RASGEF1B: variants seen among roughly 807,000 people sequenced by gnomAD.
RASGEF1B encodes RasGEF domain family member 1B, also known as ras-GEF domain-containing family member 1B.
Under a neutral mutation model 65.7 loss-of-function variants are expected in RASGEF1B, and 30 were observed. That is an observed-to-expected ratio of 0.46 (90% confidence interval 0.34 to 0.62). RASGEF1B has a LOEUF of 0.62. Among genes scored for constraint, RASGEF1B ranks in the 20% least tolerant of loss-of-function variants. The probability of loss-of-function intolerance (pLI) is 0.01; values close to 1 mark genes in which losing one functional copy is unlikely to be tolerated. For synonymous variants in RASGEF1B, 175 were observed against 194.8 expected (o/e 0.90, Z 0.85); for missense variants, 495 against 580.1 (o/e 0.85, Z 1.51).
rs979151950 is a variant in RASGEF1B, at chr4:81,432,438, C to A, written c.1325-67G>T. The stretch of plus-strand genomic sequence containing the variant: ...CTCCTGATATATTATCTACCACCAC[C>A]CTTGTTCGACTTGAGCCAAACTCCA... On this transcript the variant is annotated intron_variant, in intron 12 of 13. Coordinates refer to ENST00000264400, the MANE Select transcript of RASGEF1B (RefSeq NM_152545.3). The A allele has an allele frequency of 7.1e-6, 7 of 990,576 alleles. No individual in the cohort carries two copies. The African/African-American group carries it at 1.1e-4, about 16-fold the overall frequency. The allele number at this position is 990,576 out of a possible 1,614,324, so 61.4% of individuals were successfully genotyped here. A position where few individuals can be genotyped will look rare whatever the true frequency, so the allele number is the denominator to read the frequency against.
intron 4 of RASGEF1B, chr4:81,450,963 T>TA (rs1463700619): frequency 1.3e-5 from 2 of 152,240 alleles, no homozygotes; most frequent in Non-Finnish European, 2.9e-5. Context: ...GAGAGTTAGA[T>TA]ACTACTTCTA....
intron 1 of RASGEF1B, among the ~76,000 whole-genome samples, chr4:81,459,836 C>A (rs1283249817): frequency 6.6e-6 from 1 of 152,170 alleles, no homozygotes; most frequent in Non-Finnish European, 1.5e-5. Context: ...GTGAAAGGGG[C>A]AAGGGAACTG....
In RASGEF1B at chr4:81,442,292, C is replaced by T. The variant is rs1300782609; in HGVS notation, c.1008+5G>A. 2.5e-6 allele frequency: 4 copies of T among 1,601,000 alleles called. No individual in the cohort carries two copies. Among genetic ancestry groups the T allele is most frequent in the Middle Eastern group, 1.7e-4 (1 of 6,034 alleles). ...ACTTAACAGCAAAACATCAGCTTCACATACCTCAAGAATGTCAAATTTTGC... is the reference window on the plus strand; with the variant it reads ...ACTTAACAGCAAAACATCAGCTTCATATACCTCAAGAATGTCAAATTTTGC... On this transcript the variant is annotated splice_donor_5th_base_variant and intron_variant, in intron 9 of 13. Coordinates refer to ENST00000264400, the MANE Select transcript of RASGEF1B (RefSeq NM_152545.3).
At chr4:81,465,934 AT>A (rs1030677209) in intron 1 of RASGEF1B, among the ~76,000 whole-genome samples, 8 of 152,244 alleles carry the variant, frequency 5.3e-5, no homozygotes, top group African/African-American at 1.9e-4. Flanking sequence ...AAAAAGGTTT[AT>A]TTTTTTCAAT....
At chr4:81,459,188 C>A (rs1235601319) in intron 2 of RASGEF1B, 144 bp downstream of exon 2, 7 of 653,932 alleles carry the variant, frequency 1.1e-5, no homozygotes, top group Non-Finnish European at 1.8e-5. Context: ...GATTTCAATG[C>A]ACTTGATAAT....
At chr4:81,466,758 C>CAAA (rs748152922) in intron 1 of RASGEF1B, among the ~76,000 whole-genome samples, 1,238 of 57,542 alleles carry the variant, frequency 0.022, 75 homozygotes, top group African/African-American at 0.043. Context: ...GCCTCCATGT[C>CAAA]AAAAAAAAAA....
In RASGEF1B at chr4:81,456,671, G is replaced by A. The variant is rs1319168909; in HGVS notation, c.418C>T (p.Arg140Ter). 3 of 1,614,000 alleles carry A rather than the reference G, an allele frequency of 1.9e-6. No homozygotes were observed. Among genetic ancestry groups the A allele is most frequent in the South Asian group, 2.2e-5 (2 of 91,082 alleles). The part of the protein sequence containing the change: ...MMRNLKDLAH[R>*]IASGEEQTYR... ...CCAACCTCTTCGCCACTGGCTATTC[G>A]GTGAGCCAGATCTTTTAAGTTTCTC... Residue 140 changes from arginine to a stop codon, truncating the protein, a stop_gained, in exon 4 of 14, where the codon CGA becomes TGA. Transcript: ENST00000264400. LOFTEE classifies it high-confidence loss of function.
At chr4:81,468,153 G>C (rs2110001288) in intron 1 of RASGEF1B, among the ~76,000 whole-genome samples, 1 of 152,162 alleles carries the variant, frequency 6.6e-6, no homozygotes, top group Middle Eastern at 3.4e-3. Flanking sequence ...TTAGATAATA[G>C]CATGTGGAGA....
intron 10 of RASGEF1B, among the ~76,000 whole-genome samples, chr4:81,438,604 G>C (rs1721726161): frequency 6.6e-6 from 1 of 152,188 alleles, no homozygotes; most frequent in South Asian, 2.1e-4. Context: ...TGCACAACGT[G>C]CAGGTTTCTT....
At chr4:81,431,907 T>C (rs777352792) in intron 13 of RASGEF1B, among the ~76,000 whole-genome samples, 2 of 152,220 alleles carry the variant, frequency 1.3e-5, no homozygotes, top group Non-Finnish European at 2.9e-5. Flanking sequence ...AACCCAACTT[T>C]ATAAAGCCTA....
rs191900908 is a variant in RASGEF1B at position 81,450,576 on chromosome 4, T to C, written c.439-2292A>G. ...GTTGATGCCTTTTGTTTGTTTTTGT[T>C]TTTGTTTTAGTAGAGATGGGGTTTT... is the stretch of plus-strand genomic sequence containing the variant. On this transcript the variant is annotated intron_variant, in intron 4 of 13. Coordinates refer to ENST00000264400, the MANE Select transcript of RASGEF1B (RefSeq NM_152545.3). 2.5e-4 allele frequency among the ~76,000 whole-genome samples: 38 copies of C among 152,264 alleles called. No homozygotes were observed. The East Asian group carries it at 3.9e-3, about 15-fold the overall frequency.
At chr4:81,466,770 A>AAAAAAGAAAGAATGAAAGAAAG (rs748492254) in intron 1 of RASGEF1B, among the ~76,000 whole-genome samples, 1 of 36,100 alleles carries the variant, frequency 2.8e-5, no homozygotes, top group Non-Finnish European at 5.3e-5. Flanking sequence ...AAAAAAAAAA[A>AAAAAAGAAAGAATGAAAGAAAG]AAAGAAAGAA....
At chr4:81,455,118 C>A (rs1297795899) in intron 4 of RASGEF1B, 1 of 152,216 alleles carries the variant, frequency 6.6e-6, no homozygotes, top group Non-Finnish European at 1.5e-5. Context: ...ATTCCCTCAA[C>A]AATTAATATA....
intron 4 of RASGEF1B, chr4:81,452,707 A>T (rs1302362280): frequency 6.6e-6 from 1 of 152,210 alleles, no homozygotes; most frequent in African/African-American, 2.4e-5. Flanking sequence ...TTATAACTTC[A>T]AATGCCAGTG....
At chr4:81,431,717 G>T (rs1721433724) in intron 13 of RASGEF1B, among the ~76,000 whole-genome samples, 1 of 152,064 alleles carries the variant, frequency 6.6e-6, no homozygotes, top group Admixed American at 6.6e-5. Flanking sequence ...TATACCCTGG[G>T]CTGCTTTTGC....
At chr4:81,459,270 C>T (rs1376376365) in intron 2 of RASGEF1B, 62 bp downstream of exon 2, 1 of 1,278,986 alleles carries the variant, frequency 7.8e-7, no homozygotes, top group South Asian at 1.6e-5. Context: ...TGGTCCCTGC[C>T]TACTGTACTG....
chr4:81,434,219 A>G (rs548554302), intron 11 of RASGEF1B, among the ~76,000 whole-genome samples: 1 of 152,144 alleles, frequency 6.6e-6, no homozygotes, highest in Non-Finnish European at 1.5e-5. Context: ...CGACTAGCTA[A>G]TATTTTAATT....
intron 8 of RASGEF1B, among the ~76,000 whole-genome samples, chr4:81,444,760 C>T (rs1433119659): frequency 2.0e-5 from 3 of 152,220 alleles, no homozygotes; most frequent in Non-Finnish European, 4.4e-5. Flanking sequence ...TGGTCTCGAT[C>T]TCCTGACTTT....
rs145951125 is a variant in RASGEF1B, at chr4:81,433,958, A to G, written c.1206T>C (p.Phe402=). 6.2e-7 allele frequency: 1 copy of G among 1,612,876 alleles called. No homozygotes were observed. Among genetic ancestry groups the G allele is most frequent in the African/African-American group, 1.3e-5 (1 of 74,850 alleles). ...CACTCACTTGTTTGGCCAGTTCCCA[A>G]AATTTCTGGAAGATAAGTAAAAAAA... ...LPNGHVNFEK[F]WELAKQVSEF... is the part of the protein sequence containing the mutation. Residue 402 remains phenylalanine, a synonymous_variant, in exon 12 of 14, where the codon TTT becomes TTC. Transcript: ENST00000264400.
Sources: allele counts gnomAD v4.1 joint callset (sites outside exome capture counted in the v4.1 genomes callset), GRCh38; gene constraint gnomAD v4.1.1; transcripts MANE v1.5; gene names NCBI Gene and HGNC (gene_info 2026-07-23, HGNC 2026-07-21).